The following NUP54 variants were observed in gnomAD, a reference collection of about 807,000 sequenced individuals.
The protein encoded by NUP54 is nucleoporin 54.
A neutral mutation model predicts 66.4 loss-of-function variants in NUP54; 27 were observed. That is an observed-to-expected ratio of 0.41 (90% CI 0.30 to 0.56). NUP54 has a LOEUF of 0.56. Among genes scored for constraint, NUP54 ranks in the 20% least tolerant of loss-of-function variants. NUP54 has a pLI of 0.34. For missense variants in NUP54, 486 were observed against 596.3 expected (o/e 0.82, Z 1.93); for synonymous variants, 206 against 210.7 (o/e 0.98, Z 0.19).
chr4:76,119,716 A>T (rs1288962286), intron 9 of NUP54, among the ~76,000 whole-genome samples: 1 of 151,936 alleles, frequency 6.6e-6, no homozygotes, highest in Non-Finnish European at 1.5e-5. Context: ...CATCGGGGGA[A>T]AGGGTCTAAA....
intron 8 of NUP54, among the ~76,000 whole-genome samples, chr4:76,128,365 G>A (rs1180408285): frequency 5.8e-5 from 8 of 137,718 alleles, no homozygotes; most frequent in African/African-American, 2.2e-4. Flanking sequence ...ACTGCTCTAA[G>A]ACTTGAAATA....
chr4:76,135,581 T>C (rs1446636465), intron 4 of NUP54, among the ~76,000 whole-genome samples: 1 of 152,204 alleles, frequency 6.6e-6, no homozygotes, highest in Non-Finnish European at 1.5e-5. Flanking sequence ...TATGTACATA[T>C]TGATTAGGTT....
chr4:76,148,017 T>C, intron 1 of NUP54: 1 of 391,364 alleles, frequency 2.6e-6, no homozygotes, highest in Non-Finnish European at 4.6e-6. Context: ...GGAAGCAACC[T>C]CCAATTTCTC....
chr4:76,121,482 C>A (rs1051162727), intron 9 of NUP54, among the ~76,000 whole-genome samples: 1 of 152,130 alleles, frequency 6.6e-6, no homozygotes, highest in Non-Finnish European at 1.5e-5. Flanking sequence ...GACAGGGTCT[C>A]CCTATGTTGC....
At chr4:76,124,583 ATATT>A (rs10567710) in intron 9 of NUP54, 62 bp downstream of exon 9, 95,114 of 589,972 alleles carry the variant, frequency 0.16, 8,557 homozygotes, top group East Asian at 0.35. Flanking sequence ...TTAAAAATCT[ATATT>A]TAGTACATTA....
At chr4:76,125,897 C>A in intron 8 of NUP54, among the ~76,000 whole-genome samples, 2 of 142,770 alleles carry the variant, frequency 1.4e-5, no homozygotes, top group African/African-American at 2.7e-5. Flanking sequence ...AGGGAGAGAC[C>A]TATCTCAAAA....
rs543009775 is a variant in NUP54 at position 76,128,636 on chromosome 4, C to T, written c.1056+2020G>A. On this transcript the variant is annotated intron_variant, in intron 8 of 11. Transcript: ENST00000264883. The stretch of plus-strand genomic sequence containing the variant: ...AAAGGTAGCGTGGCTATGTTAACAC[C>T]AGACAAAGACTTCTGAGTGTCTTGA... Among the ~76,000 whole-genome samples the T allele has an allele frequency of 5.5e-4, 84 of 152,230 alleles. 1 individual carries two copies. In the South Asian group the frequency reaches 0.011, roughly 20 times the overall value.
rs145392301 is a variant in NUP54, at chr4:76,139,972, T to A, written c.296-3560A>T. On this transcript the variant is annotated intron_variant, in intron 3 of 11. Transcript: ENST00000264883. ...TAAAATAAAGAAAACAGAAACCAGA[T>A]TGGCGAATAGTTTGTAAAGGGGAGG... 4.9e-4 allele frequency among the ~76,000 whole-genome samples: 74 copies of A among 152,338 alleles called. 1 individual carries two copies. The highest frequency in any genetic ancestry group is 1.7e-3 in the African/African-American group (72 of 41,584).
chr4:76,140,077 T>C (rs151299703), intron 3 of NUP54, among the ~76,000 whole-genome samples: 17 of 152,146 alleles, frequency 1.1e-4, no homozygotes, highest in African/African-American at 3.4e-4. Flanking sequence ...AAAATAAACT[T>C]TGAGTTACTT....
intron 4 of NUP54, among the ~76,000 whole-genome samples, chr4:76,135,680 C>T (rs1731009265): frequency 6.6e-6 from 1 of 152,158 alleles, no homozygotes; most frequent in African/African-American, 2.4e-5. Context: ...AAATGCATTA[C>T]CAAATGGACC....
intron 8 of NUP54, among the ~76,000 whole-genome samples, chr4:76,128,650 T>C (rs59927725): frequency 6.6e-6 from 1 of 152,122 alleles, no homozygotes; most frequent in Non-Finnish European, 1.5e-5. Flanking sequence ...CAAAGACTTC[T>C]GAGTGTCTTG....
intron 1 of NUP54, chr4:76,148,029 GAGT>G: frequency 2.5e-6 from 1 of 406,396 alleles, no homozygotes; most frequent in Non-Finnish European, 4.4e-6. Flanking sequence ...CAATTTCTCT[GAGT>G]AGGACTCCCC....
chr4:76,117,525 A>G (rs560097902), intron 11 of NUP54, 139 bp downstream of exon 11: 1 of 582,536 alleles, frequency 1.7e-6, no homozygotes, highest in Non-Finnish European at 3.0e-6. Context: ...GAACCATTTT[A>G]CATTCCCCCA....
At position 76,137,966 on chromosome 4, in the gene NUP54, G is replaced by C. The variant is rs73826330; in HGVS notation, c.296-1554C>G. On this transcript the variant is annotated intron_variant, in intron 3 of 11. Transcript: ENST00000264883. ...AAAATTCTTAAATAGTAATACAAAT[G>C]GTATGTAGATGAGGAGAAAACGTGA... Among the ~76,000 whole-genome samples the C allele has an allele frequency of 9.4e-3, 1,432 of 152,180 alleles. 21 individuals carry two copies. Among genetic ancestry groups the C allele is most frequent in the African/African-American group, 0.031 (1,276 of 41,506 alleles).
At chr4:76,122,018 C>T (rs1434315098) in intron 9 of NUP54, among the ~76,000 whole-genome samples, 4 of 152,036 alleles carry the variant, frequency 2.6e-5, no homozygotes, top group South Asian at 2.1e-4. Flanking sequence ...ATTGGGTGTC[C>T]GTTGTCTAGT....
chr4:76,115,623 G>C, intron 11 of NUP54, 129 bp from the exon 12 acceptor site: 2 of 553,262 alleles, frequency 3.6e-6, no homozygotes, highest in Non-Finnish European at 5.9e-6. Flanking sequence ...TCTAAATATA[G>C]AGGGCATGCA....
intron 3 of NUP54, among the ~76,000 whole-genome samples, chr4:76,141,382 T>C (rs1480760601): frequency 6.6e-6 from 1 of 152,168 alleles, no homozygotes. Context: ...TACGTTCTGA[T>C]GGCTTTCATA....
At chr4:76,143,779 T>C (rs923338691) in intron 3 of NUP54, among the ~76,000 whole-genome samples, 1 of 152,178 alleles carries the variant, frequency 6.6e-6, no homozygotes, top group Non-Finnish European at 1.5e-5. Context: ...TAGGGAAATG[T>C]GGTAGGCTTC....
intron 5 of NUP54, among the ~76,000 whole-genome samples, chr4:76,133,653 T>C (rs974839564): frequency 2.0e-5 from 3 of 152,376 alleles, no homozygotes; most frequent in South Asian, 2.1e-4. Context: ...CAAAATCCTA[T>C]GTAAATGTTA....
Sources: gnomAD v4.1 joint callset for allele counts (sites outside exome capture counted in the v4.1 genomes callset) on GRCh38, gnomAD v4.1.1 for gene constraint, MANE v1.5 for transcripts, NCBI Gene and HGNC (gene_info 2026-07-23, HGNC 2026-07-21) for gene names.